Variants in SYTL3 observed in about 807,000 individuals in gnomAD.
The protein encoded by SYTL3 is synaptotagmin-like protein 3.
Under a neutral mutation model 82.1 loss-of-function variants are expected in SYTL3, and 88 were observed. The observed-to-expected ratio is 1.07, with a 90% confidence interval of 0.90 to 1.28. SYTL3 has a LOEUF of 1.28. Ranked by LOEUF, SYTL3 falls within the 50% of genes most tolerant of loss-of-function variation. SYTL3 has a pLI of 0.00. For missense variants in SYTL3, 831 were observed against 757.6 expected, an observed-to-expected ratio of 1.10 and a Z score of -1.14; for synonymous variants, 311 against 289.4, an observed-to-expected ratio of 1.07 and a Z score of -0.76.
At chr6:158,724,454 A>G (rs886773994) in intron 10 of SYTL3, among the ~76,000 whole-genome samples, 4 of 152,156 alleles carry the variant, frequency 2.6e-5, no homozygotes, top group African/African-American at 9.7e-5. Context: ...ACCAAAAACT[A>G]AAGTCTCCAC....
intron 12 of SYTL3, among the ~76,000 whole-genome samples, chr6:158,748,072 C>T (rs1787892975): frequency 7.6e-6 from 1 of 131,548 alleles, no homozygotes; most frequent in African/African-American, 3.2e-5. Context: ...TTCTTCTTAT[C>T]GTTTTTTTTT....
Position 158,722,762 on chromosome 6 carries a change from G to GTTTTTTT in SYTL3, c.721-2721_721-2715dup, listed in dbSNP as rs34189391. ...AGGAAAAAGATTTTCTCTCTTTTCTGTTTTTTTTTTTTTTTTTTTTTTTTT... is the reference window on the plus strand; with the variant it reads ...AGGAAAAAGATTTTCTCTCTTTTCTGTTTTTTTTTTTTTTTTTTTTTTTTTTTTTTTT... On this transcript the variant is annotated intron_variant, in intron 10 of 17. Transcript: ENST00000611299. 1.8e-3 allele frequency among the ~76,000 whole-genome samples: 148 copies of GTTTTTTT among 80,876 alleles called. 17 individuals are homozygous for GTTTTTTT. The highest frequency in any genetic ancestry group is 7.5e-3 in the African/African-American group (138 of 18,484). The allele number at this position is 80,876 out of a possible 152,430, so 53.1% of individuals were successfully genotyped here. A position where few individuals can be genotyped will look rare whatever the true frequency, so the allele number is the denominator to read the frequency against.
chr6:158,746,640 A>AT (rs1302991818), intron 12 of SYTL3, among the ~76,000 whole-genome samples: 1 of 151,402 alleles, frequency 6.6e-6, no homozygotes. Flanking sequence ...TAATTTTTGT[A>AT]TTTTTAGTAG....
At chr6:158,709,535 C>T (rs1342469741) in intron 8 of SYTL3, among the ~76,000 whole-genome samples, 2 of 151,632 alleles carry the variant, frequency 1.3e-5, no homozygotes, top group Non-Finnish European at 1.5e-5. Flanking sequence ...ATTTGTATGG[C>T]TGTTGTGAGA....
At chr6:158,674,915 C>T (rs958296246) in intron 5 of SYTL3, among the ~76,000 whole-genome samples, 5 of 151,924 alleles carry the variant, frequency 3.3e-5, no homozygotes, top group Non-Finnish European at 7.4e-5. Context: ...CCCTCCCAGC[C>T]CCCTTCCCTC....
At position 158,665,511 on chromosome 6, in the gene SYTL3, G is replaced by T; in HGVS notation, c.227G>T (p.Arg76Leu). 1 of 1,595,786 alleles carries T rather than the reference G, an allele frequency of 6.3e-7. No homozygotes were observed. Among genetic ancestry groups the T allele is most frequent in the East Asian group, 2.3e-5 (1 of 44,184 alleles). ...CAGGTGCTGGGGTTCCTGCTGCACC[G>T]GGGCGCCGTGTGCCGGGGCTGCAGC... is the stretch of plus-strand genomic sequence containing the variant. The part of the protein sequence containing the change: ...CQQVLGFLLH[R>L]GAVCRGCSHR... Residue 76 changes from arginine to leucine, a missense_variant, in exon 5 of 18, where the codon CGG becomes CTG. Arg to Leu is a moderately radical substitution (Grantham distance 102). Coordinates refer to ENST00000611299, the MANE Select transcript of SYTL3 (RefSeq NM_001242394.2).
intron 5 of SYTL3, among the ~76,000 whole-genome samples, chr6:158,676,656 T>C (rs913690623): frequency 2.6e-4 from 40 of 152,216 alleles, no homozygotes; most frequent in Admixed American, 9.8e-4. Context: ...AACCTACTCA[T>C]CTGACAAAGG....
At chr6:158,725,880 C>G in intron 11 of SYTL3, 1 of 694,188 alleles carries the variant, frequency 1.4e-6, no homozygotes, top group Admixed American at 2.1e-5. Context: ...CATTATCAAT[C>G]CACTCCACCA....
chr6:158,692,937 C>T (rs1327735891), intron 6 of SYTL3, among the ~76,000 whole-genome samples: 1 of 150,370 alleles, frequency 6.7e-6, no homozygotes, highest in Non-Finnish European at 1.5e-5. Context: ...GGCGACAGAG[C>T]GAGACTCCGT....
chr6:158,714,564 G>T (rs1300815364), intron 9 of SYTL3, among the ~76,000 whole-genome samples: 1 of 152,158 alleles, frequency 6.6e-6, no homozygotes, highest in Non-Finnish European at 1.5e-5. Flanking sequence ...TTGCAATCTT[G>T]TGTCTTTCAA....
chr6:158,659,006 ATTG>A (rs1255954238), intron 2 of SYTL3, among the ~76,000 whole-genome samples: 1 of 152,216 alleles, frequency 6.6e-6, no homozygotes, highest in Non-Finnish European at 1.5e-5. Flanking sequence ...GGGTTGGTTG[ATTG>A]TTGTTCTAAG....
At chr6:158,705,164 C>T (rs1781888185) in intron 6 of SYTL3, among the ~76,000 whole-genome samples, 1 of 57,368 alleles carries the variant, frequency 1.7e-5, no homozygotes, top group Non-Finnish European at 3.3e-5. Flanking sequence ...AGGAGGGACC[C>T]AGGGCAGGGT....
intron 13 of SYTL3, 49 bp downstream of exon 13, chr6:158,752,079 G>A: frequency 7.2e-7 from 1 of 1,390,218 alleles, no homozygotes; most frequent in Non-Finnish European, 9.7e-7. Context: ...GAGCCCGGGT[G>A]GAGCGCCTGG....
intron 5 of SYTL3, among the ~76,000 whole-genome samples, chr6:158,666,440 G>T (rs998262409): frequency 2.6e-5 from 4 of 152,158 alleles, no homozygotes; most frequent in Non-Finnish European, 5.9e-5. Flanking sequence ...ACGATAAAGA[G>T]CCAACTTGGC....
chr6:158,727,624 C>T (rs867259606), intron 11 of SYTL3, among the ~76,000 whole-genome samples: 30 of 152,062 alleles, frequency 2.0e-4, no homozygotes, highest in Middle Eastern at 3.5e-3. Flanking sequence ...CTTCACCCAC[C>T]AGGCCTCGAG....
At chr6:158,730,669 A>G (rs1174605060) in intron 11 of SYTL3, among the ~76,000 whole-genome samples, 1 of 152,194 alleles carries the variant, frequency 6.6e-6, no homozygotes, top group Non-Finnish European at 1.5e-5. Context: ...GGGTCCTCAC[A>G]TACCACGCGG....
At chr6:158,725,929 C>T (rs930550037) in intron 11 of SYTL3, 15 of 681,402 alleles carry the variant, frequency 2.2e-5, no homozygotes, top group Admixed American at 1.8e-4. Context: ...TTCTGCAACT[C>T]GCGTAAACAG....
At chr6:158,701,171 AGGAGGTGAGCTGGGGT>A (rs1781182451) in intron 6 of SYTL3, among the ~76,000 whole-genome samples, 3 of 137,712 alleles carry the variant, frequency 2.2e-5, no homozygotes, top group Admixed American at 1.4e-4. Context: ...GTGTAGATGA[AGGAGGTGAGCTGGGGT>A]GTAGATGAAG....
At chr6:158,701,816 G>A (rs1347685641) in intron 6 of SYTL3, among the ~76,000 whole-genome samples, 2 of 151,946 alleles carry the variant, frequency 1.3e-5, no homozygotes, top group East Asian at 1.9e-4. Context: ...TGTCAGTGGG[G>A]CCATGCTTCC....
Sources: gnomAD v4.1 joint callset for allele counts (sites outside exome capture counted in the v4.1 genomes callset) on GRCh38, gnomAD v4.1.1 for gene constraint, MANE v1.5 for transcripts, NCBI Gene and HGNC (gene_info 2026-07-23, HGNC 2026-07-21) for gene names.